RAB5B: variants seen among roughly 807,000 people sequenced by gnomAD.
RAB5B encodes RAB5B, member RAS oncogene family.
Under a neutral mutation model 28.6 loss-of-function variants are expected in RAB5B, and 11 were observed. The ratio of observed to expected loss-of-function variants is 0.38; its 90% CI spans 0.24 to 0.64. RAB5B has a LOEUF of 0.64. RAB5B is among the 30% of genes least tolerant of loss of function. RAB5B has a pLI of 0.53. For synonymous variants in RAB5B, 93 were observed against 97.9 expected, an observed-to-expected ratio of 0.95 and a Z score of 0.29; for missense variants, 169 against 265.6, an observed-to-expected ratio of 0.64 and a Z score of 2.53.
chr12:55,996,003 A>ATATTTTTTTTTTTTTTTTTT lies in RAB5B; in HGVS notation c.*3792_*3793insATTTTTTTTTTTTTTTTTTT. ...TATATACATATATATATATATATAT[A>ATATTTTTTTTTTTTTTTTTT]TTTTTTTTTTAACAACTGGTAGGAT... is the stretch of plus-strand genomic sequence containing the variant. On this transcript the variant is annotated 3_prime_UTR_variant, in exon 6 of 6. Coordinates refer to ENST00000360299, the MANE Select transcript of RAB5B (RefSeq NM_002868.4). 4 of 97,400 alleles carry ATATTTTTTTTTTTTTTTTTT rather than the reference A, an allele frequency of 4.1e-5. No homozygotes were observed. The highest frequency in any genetic ancestry group is 1.9e-4 in the African/African-American group (4 of 21,142). The allele number at this position is 97,400 out of a possible 1,614,324, so 6.0% of individuals were successfully genotyped here.
chr12:55,983,049 T>G (rs1021106939), intron 1 of RAB5B, among the ~76,000 whole-genome samples: 4 of 152,112 alleles, frequency 2.6e-5, no homozygotes, highest in Non-Finnish European at 5.9e-5. Context: ...TCCTTTTTTT[T>G]TTATTATGGT....
At chr12:55,980,494 G>T (rs979494689) in intron 1 of RAB5B, 11 of 1,591,200 alleles carry the variant, frequency 6.9e-6, no homozygotes, top group Middle Eastern at 1.7e-4. Context: ...GCTTGTTGCC[G>T]TTTCCTGATC....
chr12:55,987,890 G>A (rs569989237), intron 2 of RAB5B, among the ~76,000 whole-genome samples: 1 of 151,194 alleles, frequency 6.6e-6, no homozygotes, highest in East Asian at 2.0e-4. Flanking sequence ...GGTCACACCT[G>A]TAATCCCAGC....
rs1386152108 is a variant in RAB5B, at chr12:55,992,263, T to C, written c.*51T>C. 2 of 1,457,790 alleles carry C rather than the reference T, an allele frequency of 1.4e-6. No homozygotes were observed. Among genetic ancestry groups the C allele is most frequent in the Non-Finnish European group, 1.9e-6 (2 of 1,042,756 alleles). The allele number at this position is 1,457,790 out of a possible 1,614,324, so 90.3% of individuals were successfully genotyped here. On this transcript the variant is annotated 3_prime_UTR_variant, in exon 6 of 6. Transcript: ENST00000360299. The stretch of plus-strand genomic sequence containing the variant: ...TGGAGCTAGCACAAGAGCTAAGAAA[T>C]AACCTCCATCCCTACCCCTCAGCAC...
intron 1 of RAB5B, chr12:55,985,561 C>CA: frequency 2.9e-6 from 1 of 339,192 alleles, no homozygotes; most frequent in Non-Finnish European, 5.9e-6. Context: ...ATTAGAATCT[C>CA]AAAGTCCCAA....
At chr12:55,984,579 C>T (rs1307584297) in intron 1 of RAB5B, among the ~76,000 whole-genome samples, 2 of 151,938 alleles carry the variant, frequency 1.3e-5, no homozygotes, top group African/African-American at 2.4e-5. Context: ...TGGGTTTAAG[C>T]GATTCTCCTG....
chr12:55,975,426 C>T (rs535846779), intron 1 of RAB5B, among the ~76,000 whole-genome samples: 1 of 152,228 alleles, frequency 6.6e-6, no homozygotes, highest in South Asian at 2.1e-4. Context: ...TTGGGTCAAA[C>T]TATGAAGTAT....
intron 1 of RAB5B, among the ~76,000 whole-genome samples, chr12:55,984,699 C>G (rs1251623920): frequency 1.3e-5 from 2 of 151,996 alleles, no homozygotes; most frequent in Non-Finnish European, 2.9e-5. Context: ...AGGCAGGGCT[C>G]GAACTTCTGA....
chr12:55,975,964 A>C (rs1312973855), intron 1 of RAB5B, among the ~76,000 whole-genome samples: 2 of 151,910 alleles, frequency 1.3e-5, no homozygotes, highest in African/African-American at 2.4e-5. Context: ...GTTGGCCAGG[A>C]TGGTCTCAAT....
chr12:55,986,912 T>A lies in RAB5B; in HGVS notation c.-49T>A. 2 of 130,360 alleles carry A rather than the reference T, an allele frequency of 1.5e-5. No individual in the cohort carries two copies. The highest frequency in any genetic ancestry group is 3.0e-5 in the Non-Finnish European group (2 of 66,314). The allele number at this position is 130,360 out of a possible 1,614,324, so 8.1% of individuals were successfully genotyped here. ...ATCCCCTCCCCTTCCCCCTCCCCCCTTTACAGTATCCCCCTCCCTCCACCC... is the reference window on the plus strand; with the variant it reads ...ATCCCCTCCCCTTCCCCCTCCCCCCATTACAGTATCCCCCTCCCTCCACCC... On this transcript the variant is annotated 5_prime_UTR_variant, in exon 2 of 6. Coordinates refer to ENST00000360299, the MANE Select transcript of RAB5B (RefSeq NM_002868.4).
At chr12:55,986,770 CAT>C in intron 1 of RAB5B, 97 bp from the exon 2 acceptor site, 1 of 609,910 alleles carries the variant, frequency 1.6e-6, no homozygotes, top group Non-Finnish European at 2.9e-6. Flanking sequence ...GCTAAGTCCT[CAT>C]AGAAGCAAGG....
intron 2 of RAB5B, 73 bp downstream of exon 2, chr12:55,987,196 T>A: frequency 7.0e-7 from 1 of 1,437,208 alleles, no homozygotes. Flanking sequence ...AGTCTTGCTC[T>A]GTTACCCAGG....
chr12:55,985,464 A>G, intron 1 of RAB5B: 1 of 250,374 alleles, frequency 4.0e-6, no homozygotes, highest in Non-Finnish European at 8.1e-6. Flanking sequence ...AGGTTTTTGC[A>G]TGCTCTGCCT....
rs1260560626 is a variant in RAB5B, at chr12:55,994,852, T to A, written c.*2640T>A. The A allele has an allele frequency of 6.6e-6, 1 of 152,122 alleles. No individual in the cohort carries two copies. The highest frequency in any genetic ancestry group is 1.5e-5 in the Non-Finnish European group (1 of 68,016). 9.4% of individuals were successfully genotyped at this position (152,122 alleles called of 1,614,324 possible). The stretch of plus-strand genomic sequence containing the variant: ...ACACCTTTCCCTGCATCTTGATACA[T>A]CTTTATTCCCTTTAATCTTTTCTTA... On this transcript the variant is annotated 3_prime_UTR_variant, in exon 6 of 6. Transcript: ENST00000360299.
intron 1 of RAB5B, chr12:55,980,370 C>T (rs1889767593): frequency 3.6e-6 from 5 of 1,398,214 alleles, no homozygotes; most frequent in African/African-American, 2.8e-5. Context: ...ACTCCCTCTG[C>T]TGTTGTCTCC....
chr12:55,993,925 G>A lies in RAB5B; in HGVS notation c.*1713G>A, dbSNP rs1166438813. ...TCATCAGGTGTTTTAAGATGTCTCT[G>A]AGAAGCCATCAAGGCAAAAGAGAAC... is the stretch of plus-strand genomic sequence containing the variant. On this transcript the variant is annotated 3_prime_UTR_variant, in exon 6 of 6. Coordinates refer to ENST00000360299, the MANE Select transcript of RAB5B (RefSeq NM_002868.4). The A allele has an allele frequency of 6.6e-6, 1 of 152,276 alleles. No homozygotes were observed. The highest frequency in any genetic ancestry group is 2.4e-5 in the African/African-American group (1 of 41,416). 9.4% of individuals were successfully genotyped at this position (152,276 alleles called of 1,614,324 possible). A position where few individuals can be genotyped will look rare whatever the true frequency, so the allele number is the denominator to read the frequency against.
At chr12:55,983,961 G>GT in intron 1 of RAB5B, among the ~76,000 whole-genome samples, 1 of 152,030 alleles carries the variant, frequency 6.6e-6, no homozygotes, top group East Asian at 1.9e-4. Context: ...TGCCAGGCCT[G>GT]TTTTTTCTCT....
At position 55,995,999 on chromosome 12, in the gene RAB5B, A is replaced by ATTTTTT. The variant is rs1207856151; in HGVS notation, c.*3788_*3789insTTTTTT. 7.5e-4 allele frequency: 64 copies of ATTTTTT among 85,776 alleles called. 1 individual carries two copies. The highest frequency in any genetic ancestry group is 3.3e-3 in the African/African-American group (60 of 18,346). 5.3% of individuals were successfully genotyped at this position (85,776 alleles called of 1,614,324 possible). A position where few individuals can be genotyped will look rare whatever the true frequency, so the allele number is the denominator to read the frequency against. ...TATATATATACATATATATATATAT[A>ATTTTTT]TATATTTTTTTTTTAACAACTGGTA... On this transcript the variant is annotated 3_prime_UTR_variant, in exon 6 of 6. Transcript: ENST00000360299.
rs777771216 is a variant in RAB5B at position 55,989,960 on chromosome 12, C to G, written c.177C>G (p.Thr59=). 1.2e-6 allele frequency: 2 copies of G among 1,613,216 alleles called. No individual in the cohort carries two copies. Among genetic ancestry groups the G allele is most frequent in the African/African-American group, 1.3e-5 (1 of 74,874 alleles). Reference sequence around the variant, plus strand: ...TCTCATCCATAGCGGCCTTCCTCACCCAGTCCGTTTGTCTAGATGACACAA... The same window carrying G: ...TCTCATCCATAGCGGCCTTCCTCACGCAGTCCGTTTGTCTAGATGACACAA... The part of the protein sequence containing the change: ...QESTIGAAFL[T]QSVCLDDTTV... The change falls in exon 3 of 6, where the codon ACC becomes ACG. Residue 59 remains threonine (T), a synonymous_variant. Transcript: ENST00000360299.
Sources: gnomAD v4.1 joint callset for allele counts (sites outside exome capture counted in the v4.1 genomes callset) on GRCh38, gnomAD v4.1.1 for gene constraint, MANE v1.5 for transcripts, NCBI Gene and HGNC (gene_info 2026-07-23, HGNC 2026-07-21) for gene names.